The following MTMR9 variants were observed in gnomAD, a reference collection of about 807,000 sequenced individuals.
The protein encoded by MTMR9 is myotubularin-related protein 9.
A neutral mutation model predicts 69.5 loss-of-function variants in MTMR9; 39 were observed. The ratio of observed to expected loss-of-function variants is 0.56; its 90% CI spans 0.43 to 0.73. The LOEUF is 0.73. Ranked by LOEUF, MTMR9 falls within the 30% of genes least tolerant of loss-of-function variation. The pLI is 0.00. For synonymous variants in MTMR9, 354 were observed against 240.8 expected, an observed-to-expected ratio of 1.47 and a Z score of -4.35; for missense variants, 900 against 671.2, an observed-to-expected ratio of 1.34 and a Z score of -3.77.
downstream of MTMR9, chr8:11,331,877 G>T: frequency 6.2e-7 from 1 of 1,612,018 alleles, no homozygotes. Flanking sequence ...GTTGTGTGGG[G>T]GCAGAGGGGA....
intron 7 of MTMR9, chr8:11,316,244 G>A (rs567537114): frequency 6.5e-6 from 1 of 152,908 alleles, no homozygotes; most frequent in Non-Finnish European, 1.5e-5. Context: ...TCTCCACTTA[G>A]GGTGAGGCTT....
intron 6 of MTMR9, among the ~76,000 whole-genome samples, chr8:11,311,227 C>A (rs1563279727): frequency 6.6e-6 from 1 of 152,208 alleles, no homozygotes; most frequent in Non-Finnish European, 1.5e-5. Flanking sequence ...TAAGTGACTT[C>A]AGGGAATCTG....
chr8:11,296,223 G>T (rs895919376), intron 2 of MTMR9, among the ~76,000 whole-genome samples: 1 of 151,958 alleles, frequency 6.6e-6, no homozygotes, highest in African/African-American at 2.4e-5. Flanking sequence ...TCTCTGATTT[G>T]TTTTCTACGT....
intron 7 of MTMR9, 47 bp downstream of exon 7, chr8:11,315,111 T>C: frequency 6.3e-7 from 1 of 1,590,354 alleles, no homozygotes. Flanking sequence ...ATTGATGCTG[T>C]GATCCTGCTT....
intron 2 of MTMR9, among the ~76,000 whole-genome samples, chr8:11,299,129 T>C (rs1485704783): frequency 6.6e-6 from 1 of 152,028 alleles, no homozygotes; most frequent in Non-Finnish European, 1.5e-5. Flanking sequence ...GGAGTTCAAG[T>C]CTGGCCTGGC....
At chr8:11,311,552 T>A (rs1376615359) in intron 6 of MTMR9, among the ~76,000 whole-genome samples, 2 of 152,312 alleles carry the variant, frequency 1.3e-5, no homozygotes, top group South Asian at 2.1e-4. Flanking sequence ...GTATTATGTC[T>A]AAAAAAACAA....
intron 2 of MTMR9, among the ~76,000 whole-genome samples, chr8:11,295,553 A>G (rs543641421): frequency 6.4e-4 from 98 of 152,306 alleles, no homozygotes; most frequent in Non-Finnish European, 1.1e-3. Context: ...TCCATTTCCA[A>G]TGGCTTTGTG....
chr8:11,288,314 A>G (rs1389872558), intron 1 of MTMR9, among the ~76,000 whole-genome samples: 1 of 140,304 alleles, frequency 7.1e-6, no homozygotes, highest in Non-Finnish European at 1.5e-5. Context: ...TAATATGTAT[A>G]TATAATATAT....
intron 8 of MTMR9, chr8:11,318,839 C>T (rs188617214): frequency 6.6e-6 from 1 of 152,080 alleles, no homozygotes; most frequent in East Asian, 1.9e-4. Flanking sequence ...AGCTAAGTCT[C>T]TAAAAAATTT....
rs150088926 is a variant in MTMR9, at chr8:11,285,643, A to T, written c.182+573A>T. Among the ~76,000 whole-genome samples, 638 of 152,242 alleles carry T rather than the reference A, an allele frequency of 4.2e-3. 2 individuals are homozygous for T. Among genetic ancestry groups the T allele is most frequent in the Non-Finnish European group, 6.4e-3 (433 of 68,026 alleles). Reference sequence around the variant, plus strand: ...CATCTTTACTCAATTCTGCTTGCTGAAAGAACAGGGTTGGCTCTCAAGGAA... The same window carrying T: ...CATCTTTACTCAATTCTGCTTGCTGTAAGAACAGGGTTGGCTCTCAAGGAA... On this transcript the variant is annotated intron_variant, in intron 1 of 9. Coordinates refer to ENST00000221086, the MANE Select transcript of MTMR9 (RefSeq NM_015458.4).
intron 1 of MTMR9, among the ~76,000 whole-genome samples, chr8:11,290,056 T>C: frequency 6.6e-6 from 1 of 152,202 alleles, no homozygotes; most frequent in East Asian, 1.9e-4. Flanking sequence ...AGGATGACAA[T>C]TGCACATTGC....
intron 1 of MTMR9, among the ~76,000 whole-genome samples, chr8:11,287,883 T>A: frequency 8.1e-6 from 1 of 122,866 alleles, no homozygotes; most frequent in Non-Finnish European, 1.6e-5. Flanking sequence ...ATATATAACA[T>A]ATATAATACG....
At chr8:11,288,388 G>A (rs1320711631) in intron 1 of MTMR9, among the ~76,000 whole-genome samples, 1 of 143,864 alleles carries the variant, frequency 7.0e-6, no homozygotes, top group Admixed American at 7.2e-5. Context: ...AGGTAATAAG[G>A]GCCAGGAAGG....
At chr8:11,305,461 TAAAC>T (rs1799904721) in intron 4 of MTMR9, among the ~76,000 whole-genome samples, 1 of 152,224 alleles carries the variant, frequency 6.6e-6, no homozygotes, top group African/African-American at 2.4e-5. Context: ...ACAACTCTAG[TAAAC>T]ACTGGAGTCA....
At chr8:11,305,465 C>T (rs1472515961) in intron 4 of MTMR9, among the ~76,000 whole-genome samples, 1 of 152,184 alleles carries the variant, frequency 6.6e-6, no homozygotes. Context: ...CTCTAGTAAA[C>T]ACTGGAGTCA....
At chr8:11,330,181 C>T (rs1801151122), downstream of MTMR9, among the ~76,000 whole-genome samples, 1 of 151,762 alleles carries the variant, frequency 6.6e-6, no homozygotes, top group Admixed American at 6.6e-5. Context: ...GGCCAGCCGC[C>T]CCGTCCGGGA....
At chr8:11,313,761 C>A (rs1019052661) in intron 6 of MTMR9, among the ~76,000 whole-genome samples, 1 of 152,218 alleles carries the variant, frequency 6.6e-6, no homozygotes, top group South Asian at 2.1e-4. Context: ...GTTCCTGATG[C>A]CCCCAAAACT....
chr8:11,318,239 C>T (rs1585133234), intron 8 of MTMR9: 1 of 152,272 alleles, frequency 6.6e-6, no homozygotes, highest in African/African-American at 2.4e-5. Context: ...GGGAAGGATT[C>T]TGAAGTGGTG....
chr8:11,305,023 A>C lies in MTMR9; in HGVS notation c.591+9A>C, dbSNP rs966262342. On this transcript the variant is annotated intron_variant, in intron 4 of 9. Coordinates refer to ENST00000221086, the MANE Select transcript of MTMR9 (RefSeq NM_015458.4). ...ACAAAAAAAATGGGATGGTAAGTGCACAGCACTACTGCTTGATGTACTGAA... is the reference window on the plus strand; with the variant it reads ...ACAAAAAAAATGGGATGGTAAGTGCCCAGCACTACTGCTTGATGTACTGAA... 6.2e-7 allele frequency: 1 copy of C among 1,612,792 alleles called. No homozygotes were observed. Among genetic ancestry groups the C allele is most frequent in the East Asian group, 2.2e-5 (1 of 44,856 alleles).
Sources: gnomAD v4.1 joint callset for allele counts (sites outside exome capture counted in the v4.1 genomes callset) on GRCh38, gnomAD v4.1.1 for gene constraint, MANE v1.5 for transcripts, NCBI Gene and HGNC (gene_info 2026-07-23, HGNC 2026-07-21) for gene names.